SLC14A2: variants seen among roughly 807,000 people sequenced by gnomAD.
SLC14A2 encodes the protein solute carrier family 14 member 2, also known as urea transporter 2.
Under a neutral mutation model 104.6 loss-of-function variants are expected in SLC14A2, and 91 were observed. The observed-to-expected ratio is 0.87, with a 90% CI of 0.73 to 1.04. SLC14A2 has a LOEUF of 1.04. SLC14A2 is among the 50% of genes least tolerant of loss of function. The pLI is 0.00. For missense variants in SLC14A2, 1,189 were observed against 1,156.0 expected, an observed-to-expected ratio of 1.03 and a Z score of -0.41; for synonymous variants, 476 against 466.4, an observed-to-expected ratio of 1.02 and a Z score of -0.27.
chr18:45,191,285 G>A, the SLC14A2 span, among the ~76,000 whole-genome samples: 11 of 152,114 alleles, frequency 7.2e-5, no homozygotes, highest in Non-Finnish European at 1.0e-4. Context: ...TCATTCACAC[G>A]TTATATGCAG....
chr18:45,392,668 C>CA (rs1241926009), intron 1 of SLC14A2, among the ~76,000 whole-genome samples: 1 of 152,074 alleles, frequency 6.6e-6, no homozygotes, highest in African/African-American at 2.4e-5. Flanking sequence ...ATATTTAGTG[C>CA]AAAAATATGT....
At chr18:45,374,599 C>G (rs1329628621) in intron 1 of SLC14A2, among the ~76,000 whole-genome samples, 3 of 151,584 alleles carry the variant, frequency 2.0e-5, no homozygotes, top group Admixed American at 1.3e-4. Context: ...ATAGAGGTTC[C>G]CAAGTTTACT....
intron 1 of SLC14A2, among the ~76,000 whole-genome samples, chr18:45,407,693 G>A (rs912318489): frequency 6.6e-5 from 10 of 152,154 alleles, no homozygotes; most frequent in African/African-American, 2.4e-4. Context: ...AGAGGCCATT[G>A]TAGGGTCCTT....
chr18:45,233,986 A>G (rs1270603954), intron 1 of SLC14A2, among the ~76,000 whole-genome samples: 3 of 152,034 alleles, frequency 2.0e-5, no homozygotes, highest in Non-Finnish European at 4.4e-5. Context: ...TAGATAAAGA[A>G]AGACCACCAA....
chr18:45,578,270 T>C (rs534700371), intron 2 of SLC14A2, among the ~76,000 whole-genome samples: 17 of 152,372 alleles, frequency 1.1e-4, no homozygotes, highest in African/African-American at 4.1e-4. Flanking sequence ...ATCACTCACT[T>C]ACATGTCACC....
intron 1 of SLC14A2, among the ~76,000 whole-genome samples, chr18:45,368,909 C>T (rs975861405): frequency 6.6e-6 from 1 of 152,236 alleles, no homozygotes; most frequent in Non-Finnish European, 1.5e-5. Flanking sequence ...AGCCATTCAG[C>T]CGTAGAAGCA....
At chr18:45,371,362 C>A (rs1273605889) in intron 1 of SLC14A2, among the ~76,000 whole-genome samples, 2 of 152,146 alleles carry the variant, frequency 1.3e-5, no homozygotes, top group Non-Finnish European at 2.9e-5. Context: ...TAACTCTTTT[C>A]ACCCACATAA....
intron 2 of SLC14A2, among the ~76,000 whole-genome samples, chr18:45,540,131 C>T (rs1260956542): frequency 1.3e-5 from 2 of 151,938 alleles, no homozygotes; most frequent in African/African-American, 4.8e-5. Flanking sequence ...ACTGAGAGGG[C>T]AGAGTGGCTG....
chr18:45,259,446 T>G (rs532672809), intron 1 of SLC14A2, among the ~76,000 whole-genome samples: 7 of 152,160 alleles, frequency 4.6e-5, no homozygotes, highest in African/African-American at 1.7e-4. Context: ...TCATTTCACA[T>G]AAATGGCACC....
At chr18:45,425,417 T>C (rs1278095443) in intron 1 of SLC14A2, among the ~76,000 whole-genome samples, 2 of 152,230 alleles carry the variant, frequency 1.3e-5, no homozygotes, top group Non-Finnish European at 2.9e-5. Context: ...CAGTGCTGTC[T>C]CCTCTCCATC....
intron 1 of SLC14A2, chr18:45,438,447 A>G (rs916315425): frequency 6.6e-6 from 1 of 152,208 alleles, no homozygotes; most frequent in African/African-American, 2.4e-5. Flanking sequence ...GTTCAGGGGA[A>G]AGTTAAAGAA....
intron 1 of SLC14A2, among the ~76,000 whole-genome samples, chr18:45,429,108 A>G (rs1174730727): frequency 6.6e-6 from 1 of 152,224 alleles, no homozygotes; most frequent in African/African-American, 2.4e-5. Context: ...ATGAAGTTAT[A>G]GTGGAGGATG....
chr18:45,407,205 C>A (rs1044463481), intron 1 of SLC14A2, among the ~76,000 whole-genome samples: 5 of 152,188 alleles, frequency 3.3e-5, no homozygotes, highest in African/African-American at 7.2e-5. Context: ...GCTAGATCTT[C>A]TGGAAAATAT....
chr18:45,661,197 G>T (rs116201025), intron 10 of SLC14A2, among the ~76,000 whole-genome samples: 2,228 of 152,234 alleles, frequency 0.015, 55 homozygotes, highest in African/African-American at 0.05. Context: ...CCCATCCAAA[G>T]ACCTTCCATC....
intron 2 of SLC14A2, among the ~76,000 whole-genome samples, chr18:45,509,557 G>A (rs947042787): frequency 6.6e-6 from 1 of 152,174 alleles, no homozygotes; most frequent in Admixed American, 6.5e-5. Flanking sequence ...GCCCAGATAT[G>A]GTTGTGACAG....
the SLC14A2 span, among the ~76,000 whole-genome samples, chr18:45,197,228 A>C: frequency 6.6e-6 from 1 of 152,300 alleles, no homozygotes; most frequent in South Asian, 2.1e-4. Context: ...CTAAATACAT[A>C]ATTATATTTT....
chr18:45,640,021 C>A, intron 7 of SLC14A2, 128 bp downstream of exon 7: 5 of 885,960 alleles, frequency 5.6e-6, no homozygotes, highest in Non-Finnish European at 6.8e-6. Context: ...GAGACAGGCA[C>A]GGTGACTTAT....
At chr18:45,312,270 G>A (rs1274435111) in intron 1 of SLC14A2, among the ~76,000 whole-genome samples, 1 of 152,050 alleles carries the variant, frequency 6.6e-6, no homozygotes, top group Non-Finnish European at 1.5e-5. Context: ...TTTATTGGTA[G>A]GAAAGGTAAA....
At chr18:45,360,304 G>A (rs2085597684) in intron 1 of SLC14A2, among the ~76,000 whole-genome samples, 1 of 152,178 alleles carries the variant, frequency 6.6e-6, no homozygotes, top group Non-Finnish European at 1.5e-5. Flanking sequence ...CTGGGCCTAC[G>A]ACACATCCCT....
Sources: allele counts gnomAD v4.1 joint callset (sites outside exome capture counted in the v4.1 genomes callset), GRCh38; gene constraint gnomAD v4.1.1; transcripts MANE v1.5; gene names NCBI Gene and HGNC (gene_info 2026-07-23, HGNC 2026-07-21).